The following GRIA3 variants were observed in gnomAD, a reference collection of about 807,000 sequenced individuals.
GRIA3 encodes the protein glutamate ionotropic receptor AMPA type subunit 3.
Under a neutral mutation model 63.0 loss-of-function variants are expected in GRIA3, and 3 were observed. The ratio of observed to expected loss-of-function variants is 0.05; its 90% CI spans 0.02 to 0.12. The LOEUF is 0.12. GRIA3 is among the 10% of genes least tolerant of loss of function. GRIA3 has a pLI of 1.00. For missense variants in GRIA3, 347 were observed against 700.9 expected (o/e 0.50, Z 5.70); for synonymous variants, 274 against 257.9 (o/e 1.06, Z -0.60).
At chrX:123,457,112 C>T (rs2045766165) in intron 12 of GRIA3, among the ~76,000 whole-genome samples, 1 of 111,694 alleles carries the variant, frequency 9.0e-6, no homozygotes, top group Admixed American at 9.5e-5. Flanking sequence ...TTGTTTGAAA[C>T]TCTTGCCATA....
intron 3 of GRIA3, among the ~76,000 whole-genome samples, chrX:123,287,681 T>C (rs987952971): frequency 1.2e-4 from 13 of 111,319 alleles, no homozygotes; most frequent in Admixed American, 6.7e-4. Context: ...ACAAACAGGA[T>C]ATAATACCTA....
At chrX:123,196,383 T>TA (rs1171735767) in intron 2 of GRIA3, among the ~76,000 whole-genome samples, 4 of 112,122 alleles carry the variant, frequency 3.6e-5, no homozygotes, top group Non-Finnish European at 7.5e-5. Flanking sequence ...CACTACCAGC[T>TA]ATAACAGCAA....
At chrX:123,398,504 GA>G (rs1468881058) in intron 6 of GRIA3, 131 bp from the exon 7 acceptor site, 2 of 521,250 alleles carry the variant, frequency 3.8e-6, no homozygotes, top group Non-Finnish European at 6.6e-6. Context: ...CTTGCCCAGA[GA>G]GATCTCTTAA....
At chrX:123,216,171 T>A (rs2147262975) in intron 2 of GRIA3, among the ~76,000 whole-genome samples, 1 of 112,374 alleles carries the variant, frequency 8.9e-6, no homozygotes, top group Admixed American at 9.4e-5. Context: ...CTGAAATAAA[T>A]GAACCTCAAG....
intron 13 of GRIA3, among the ~76,000 whole-genome samples, chrX:123,478,181 G>A (rs1032921447): frequency 8.9e-6 from 1 of 111,796 alleles, no homozygotes; most frequent in Admixed American, 9.5e-5. Flanking sequence ...AGCATCAGAC[G>A]GTGGAGAATA....
rs778557515 is a variant in GRIA3 at position 123,253,805 on chromosome X, G to A, written c.508+263G>A. ...TGAGTCACCATAGTTGAAAAAGAAC[G>A]CCTCCCCCATCAAAAATTTTATCTG... On this transcript the variant is annotated intron_variant, in intron 3 of 15. Transcript: ENST00000620443. The A allele has an allele frequency of 1.5e-4, 47 of 317,450 alleles. No homozygotes were observed. In the South Asian group the frequency reaches 2.5e-3, roughly 17 times the overall value. The allele number at this position is 317,450 out of a possible 1,213,427, so 26.2% of individuals were successfully genotyped here.
chrX:123,410,558 G>A (rs745711100), intron 10 of GRIA3, among the ~76,000 whole-genome samples: 12 of 111,846 alleles, frequency 1.1e-4, no homozygotes, highest in South Asian at 3.8e-4. Context: ...CTCTTAGGTC[G>A]TCACTATCCT....
rs768303106 is a variant in GRIA3 at position 123,193,559 on chromosome X, A to T, written c.268+7569A>T. 4.5e-5 allele frequency among the ~76,000 whole-genome samples: 5 copies of T among 112,187 alleles called. No homozygotes were observed. The East Asian group carries it at 1.4e-3, about 31-fold the overall frequency. On this transcript the variant is annotated intron_variant, in intron 2 of 15. Coordinates refer to ENST00000620443, the MANE Select transcript of GRIA3 (RefSeq NM_007325.5). Reference sequence around the variant, plus strand: ...GGGAGGGATGGGAGGGAAGGGAAGTAATGTCACTTTCTAGCAGACCTGAGC... The same window carrying T: ...GGGAGGGATGGGAGGGAAGGGAAGTTATGTCACTTTCTAGCAGACCTGAGC...
intron 5 of GRIA3, among the ~76,000 whole-genome samples, chrX:123,363,747 C>A (rs1456096384): frequency 8.9e-6 from 1 of 112,513 alleles, no homozygotes; most frequent in Non-Finnish European, 1.9e-5. Context: ...AGAAGTGGTG[C>A]AATTTATGAA....
intron 5 of GRIA3, among the ~76,000 whole-genome samples, chrX:123,373,888 C>T (rs767567396): frequency 2.3e-4 from 26 of 111,615 alleles, no homozygotes; most frequent in South Asian, 1.1e-3. Flanking sequence ...TTTTGGCTTT[C>T]GTTGCGATTG....
intron 5 of GRIA3, among the ~76,000 whole-genome samples, chrX:123,393,351 A>T (rs1184126929): frequency 8.9e-6 from 1 of 112,653 alleles, no homozygotes; most frequent in Non-Finnish European, 1.9e-5. Flanking sequence ...TAAATTCACC[A>T]AGCTATACAC....
rs550384397 is a variant in GRIA3, at chrX:123,192,615, C to T, written c.268+6625C>T. On this transcript the variant is annotated intron_variant, in intron 2 of 15. Transcript: ENST00000620443. ...GTCACAGAAGTGTTTACATCCCATG[C>T]TCTATCTGGACCTCCCTGTTCCTCA... Among the ~76,000 whole-genome samples the T allele has an allele frequency of 1.3e-4, 14 of 111,860 alleles. No individual in the cohort carries two copies. In the South Asian group the frequency reaches 5.3e-3, roughly 42 times the overall value.
chrX:123,431,273 C>T (rs750290203), intron 12 of GRIA3, among the ~76,000 whole-genome samples: 9 of 112,312 alleles, frequency 8.0e-5, no homozygotes, highest in Non-Finnish European at 1.5e-4. Context: ...TTTCTAATTG[C>T]CCTGCAGACA....
intron 4 of GRIA3, among the ~76,000 whole-genome samples, chrX:123,345,235 A>T (rs923864171): frequency 9.0e-6 from 1 of 111,311 alleles, no homozygotes; most frequent in Non-Finnish European, 1.9e-5. Flanking sequence ...CTGTCAGAGT[A>T]GGGCAGCCCA....
intron 12 of GRIA3, among the ~76,000 whole-genome samples, chrX:123,433,897 A>G (rs2045631504): frequency 8.9e-6 from 1 of 111,797 alleles, no homozygotes; most frequent in Admixed American, 9.5e-5. Flanking sequence ...CTTGGTCATT[A>G]TAGTTTTTCA....
intron 3 of GRIA3, among the ~76,000 whole-genome samples, chrX:123,262,690 C>G (rs532208008): frequency 1.8e-5 from 2 of 112,042 alleles, no homozygotes; most frequent in East Asian, 5.7e-4. Flanking sequence ...TAGTGCAAAA[C>G]AGCATAAAGC....
intron 5 of GRIA3, among the ~76,000 whole-genome samples, chrX:123,376,702 G>A (rs1360637388): frequency 9.0e-6 from 1 of 111,046 alleles, no homozygotes. Context: ...TTTCTGTTGT[G>A]TTATTTATAT....
At position 123,483,442 on chromosome X, in the gene GRIA3, C is replaced by T. The variant is rs1304544577; in HGVS notation, c.*2+396C>T. ...TATATCCAAAATATGATCCTTTCAA[C>T]ATGTTATCAATACAAAAAAAAGAAT... On this transcript the variant is annotated intron_variant, in intron 15 of 15. Coordinates refer to ENST00000620443, the MANE Select transcript of GRIA3 (RefSeq NM_007325.5). 2.7e-5 allele frequency among the ~76,000 whole-genome samples: 3 copies of T among 112,136 alleles called. No homozygotes were observed. In the East Asian group the frequency reaches 8.3e-4, roughly 31 times the overall value.
intron 4 of GRIA3, among the ~76,000 whole-genome samples, chrX:123,343,737 G>A (rs1222954099): frequency 9.2e-6 from 1 of 108,690 alleles, no homozygotes; most frequent in Non-Finnish European, 1.9e-5. Flanking sequence ...CTAGTCTCAA[G>A]CGATCCTCCT....
Sources: gnomAD v4.1 joint callset for allele counts (sites outside exome capture counted in the v4.1 genomes callset) on GRCh38, gnomAD v4.1.1 for gene constraint, MANE v1.5 for transcripts, NCBI Gene and HGNC (gene_info 2026-07-23, HGNC 2026-07-21) for gene names.